NLK: variants seen among roughly 807,000 people sequenced by gnomAD.
NLK encodes serine/threonine-protein kinase NLK.
In NLK, 11 loss-of-function variants were observed where a neutral mutation model predicts 59.0. The observed-to-expected ratio is 0.19, with a 90% CI of 0.12 to 0.31. The LOEUF is 0.31. Among genes scored for constraint, NLK ranks in the 10% least tolerant of loss-of-function variants. NLK has a pLI of 1.00. For synonymous variants in NLK, 235 were observed against 235.9 expected (o/e 1.00, Z 0.03); for missense variants, 410 against 661.1 (o/e 0.62, Z 4.16).
Position 28,093,905 on chromosome 17 carries a change from C to T in NLK, c.459-28698C>T, listed in dbSNP as rs1213004023. On this transcript the variant is annotated intron_variant, in intron 1 of 10. Coordinates refer to ENST00000407008, the MANE Select transcript of NLK (RefSeq NM_016231.5). Reference sequence around the variant, plus strand: ...AATGAACATTGTGTCAGGACTTATTCTGTTGTCAGACTGCCTTAGGATATG... The same window carrying T: ...AATGAACATTGTGTCAGGACTTATTTTGTTGTCAGACTGCCTTAGGATATG... Among the ~76,000 whole-genome samples the T allele has an allele frequency of 2.0e-5, 3 of 152,166 alleles. No homozygotes were observed. The East Asian group carries it at 5.8e-4, about 29-fold the overall frequency.
chr17:28,129,462 G>A (rs1234071822), intron 2 of NLK, among the ~76,000 whole-genome samples: 1 of 151,978 alleles, frequency 6.6e-6, no homozygotes, highest in African/African-American at 2.4e-5. Context: ...TCAAAAAAAA[G>A]CAAAGGGGCT....
At chr17:28,203,757 G>A in the NLK span, among the ~76,000 whole-genome samples, 1 of 152,102 alleles carries the variant, frequency 6.6e-6, no homozygotes, top group South Asian at 2.1e-4. Flanking sequence ...GGCTGGTCTT[G>A]AACTTCTGAC....
At chr17:28,199,622 T>C (rs1359787841), downstream of NLK, among the ~76,000 whole-genome samples, 11 of 128,024 alleles carry the variant, frequency 8.6e-5, no homozygotes, top group Non-Finnish European at 1.7e-4. Context: ...TCCGAGGTGG[T>C]GCCACTGCAC....
intron 3 of NLK, among the ~76,000 whole-genome samples, chr17:28,153,864 G>A (rs1907589036): frequency 1.3e-5 from 2 of 152,058 alleles, no homozygotes; most frequent in Admixed American, 1.3e-4. Flanking sequence ...ATACTAGCGG[G>A]TTAACATCCT....
At chr17:28,132,740 C>A in intron 3 of NLK, 65 bp downstream of exon 3, 1 of 1,335,044 alleles carries the variant, frequency 7.5e-7, no homozygotes, top group Non-Finnish European at 1.1e-6. Flanking sequence ...CTTCTAGCAC[C>A]TTTTGGGGTT....
intron 3 of NLK, among the ~76,000 whole-genome samples, chr17:28,144,187 C>G (rs2142032095): frequency 6.6e-6 from 1 of 152,242 alleles, no homozygotes; most frequent in Admixed American, 6.5e-5. Flanking sequence ...TAGTAAAACT[C>G]ACATCACCTC....
chr17:28,076,418 C>G (rs188884660), intron 1 of NLK, among the ~76,000 whole-genome samples: 1 of 152,082 alleles, frequency 6.6e-6, no homozygotes, highest in Non-Finnish European at 1.5e-5. Flanking sequence ...ATAAACGGCA[C>G]TAATCCCATT....
intron 1 of NLK, among the ~76,000 whole-genome samples, chr17:28,054,198 C>T (rs916558826): frequency 2.0e-5 from 3 of 152,154 alleles, no homozygotes; most frequent in Non-Finnish European, 4.4e-5. Context: ...TTTGAATTGC[C>T]TCAGAGAATT....
intron 4 of NLK, among the ~76,000 whole-genome samples, chr17:28,162,251 G>T (rs541100419): frequency 8.5e-5 from 13 of 152,186 alleles, no homozygotes; most frequent in Admixed American, 5.2e-4. Flanking sequence ...TCCCGACCTT[G>T]TGATCCTCCT....
chr17:28,139,981 C>T (rs947421105), intron 3 of NLK, among the ~76,000 whole-genome samples: 4 of 152,020 alleles, frequency 2.6e-5, no homozygotes, highest in African/African-American at 9.7e-5. Context: ...CAGAAAAAAA[C>T]GATAAGGAAA....
intron 1 of NLK, among the ~76,000 whole-genome samples, chr17:28,053,830 A>T (rs1909346953): frequency 1.3e-5 from 2 of 152,234 alleles, no homozygotes; most frequent in African/African-American, 4.8e-5. Flanking sequence ...CATGGCAGAG[A>T]GTTGCAGATT....
At chr17:28,097,549 C>G (rs948014784) in intron 1 of NLK, among the ~76,000 whole-genome samples, 1 of 152,148 alleles carries the variant, frequency 6.6e-6, no homozygotes, top group Non-Finnish European at 1.5e-5. Context: ...TATCCTTACT[C>G]AGTTTGAATA....
intron 9 of NLK, among the ~76,000 whole-genome samples, chr17:28,191,448 T>C (rs1909304051): frequency 6.6e-6 from 1 of 152,230 alleles, no homozygotes; most frequent in African/African-American, 2.4e-5. Context: ...AAAGTTTATT[T>C]AGTGAGTATG....
In NLK at chr17:28,152,328, G is replaced by A. The variant is rs114400303; in HGVS notation, c.645-8832G>A. Among the ~76,000 whole-genome samples, 964 of 152,060 alleles carry A rather than the reference G, an allele frequency of 6.3e-3. 6 individuals carry two copies. The highest frequency in any genetic ancestry group is 0.022 in the African/African-American group (931 of 41,478). On this transcript the variant is annotated intron_variant, in intron 3 of 10. Transcript: ENST00000407008. ...TTTGGCTTTTGTATCAGTTTGTTTC[G>A]TTTATAAATTTATAAGTCAAAGCAA... is the stretch of plus-strand genomic sequence containing the variant.
the NLK span, among the ~76,000 whole-genome samples, chr17:28,205,095 T>A: frequency 3.9e-5 from 6 of 152,294 alleles, no homozygotes; most frequent in South Asian, 8.3e-4. Context: ...CCTGAAGATA[T>A]GGGAATTCAG....
chr17:28,202,041 A>G, the NLK span, among the ~76,000 whole-genome samples: 793 of 152,204 alleles, frequency 5.2e-3, 13 homozygotes, highest in African/African-American at 0.018. Flanking sequence ...GCAAATGATG[A>G]TATTGATTGA....
At chr17:28,076,873 CCT>C (rs1162123573) in intron 1 of NLK, among the ~76,000 whole-genome samples, 1 of 151,860 alleles carries the variant, frequency 6.6e-6, no homozygotes, top group East Asian at 1.9e-4. Flanking sequence ...CCATATTTTG[CCT>C]CTCTTCCTAT....
chr17:28,132,791 A>AT (rs912315548), intron 3 of NLK, 116 bp downstream of exon 3: 8 of 853,416 alleles, frequency 9.4e-6, no homozygotes, highest in Middle Eastern at 5.0e-4. Context: ...TGCAGAAGTG[A>AT]TTGAGTACCT....
intron 1 of NLK, among the ~76,000 whole-genome samples, chr17:28,096,151 A>G (rs1476082213): frequency 6.6e-6 from 1 of 152,208 alleles, no homozygotes; most frequent in Non-Finnish European, 1.5e-5. Flanking sequence ...GAAAACGTTG[A>G]AAAATAATAG....
Sources: allele counts gnomAD v4.1 joint callset (sites outside exome capture counted in the v4.1 genomes callset), GRCh38; gene constraint gnomAD v4.1.1; transcripts MANE v1.5; gene names NCBI Gene and HGNC (gene_info 2026-07-23, HGNC 2026-07-21).